ITK: variants seen among roughly 807,000 people sequenced by gnomAD.
The protein encoded by ITK is IL2 inducible T cell kinase, also known as tyrosine-protein kinase ITK/TSK.
A neutral mutation model predicts 87.6 loss-of-function variants in ITK; 45 were observed. That is an observed-to-expected ratio of 0.51 (90% confidence interval 0.40 to 0.66). The LOEUF (loss-of-function observed/expected upper bound fraction) is 0.66, where lower values mean the gene tolerates loss of function less well. ITK is among the 30% of genes least tolerant of loss of function. The pLI, the probability that ITK is intolerant of heterozygous loss-of-function variation, is 0.00. For synonymous variants in ITK, 303 were observed against 273.6 expected, an observed-to-expected ratio of 1.11 and a Z score of -1.06; for missense variants, 605 against 766.3, an observed-to-expected ratio of 0.79 and a Z score of 2.48.
chr5:157,192,560 G>T (rs1290705722), intron 1 of ITK, among the ~76,000 whole-genome samples: 1 of 152,176 alleles, frequency 6.6e-6, no homozygotes, highest in Non-Finnish European at 1.5e-5. Flanking sequence ...TACTCTCTCT[G>T]GGATTTAGCT....
intron 1 of ITK, among the ~76,000 whole-genome samples, chr5:157,193,327 T>G (rs1169982149): frequency 6.6e-6 from 1 of 152,186 alleles, no homozygotes; most frequent in Non-Finnish European, 1.5e-5. Context: ...AAGTAATACC[T>G]TTAGGGTGAT....
At chr5:157,211,209 C>T in intron 2 of ITK, 78 bp from the exon 3 acceptor site, 8 of 1,212,942 alleles carry the variant, frequency 6.6e-6, no homozygotes, top group Non-Finnish European at 8.6e-6. Flanking sequence ...AGACCCCACT[C>T]TCGGCTCAGT....
intron 9 of ITK, 136 bp from the exon 10 acceptor site, chr5:157,239,926 C>T: frequency 1.1e-6 from 1 of 890,958 alleles, no homozygotes; most frequent in Non-Finnish European, 1.8e-6. Context: ...TCAAGACAGA[C>T]TTATAAGTTG....
intron 8 of ITK, among the ~76,000 whole-genome samples, chr5:157,234,197 T>A (rs1754730570): frequency 6.6e-6 from 1 of 151,616 alleles, no homozygotes; most frequent in South Asian, 2.1e-4. Flanking sequence ...GCCAGACTGG[T>A]CTCAAAACTC....
intron 5 of ITK, 28 bp downstream of exon 5, chr5:157,217,935 A>G: frequency 1.2e-6 from 2 of 1,603,446 alleles, no homozygotes; most frequent in Non-Finnish European, 8.5e-7. Flanking sequence ...CTCCGGGTGC[A>G]GGTGGGCCCA....
At chr5:157,226,810 GT>G (rs1754541377) in intron 6 of ITK, among the ~76,000 whole-genome samples, 1 of 151,674 alleles carries the variant, frequency 6.6e-6, no homozygotes, top group South Asian at 2.1e-4. Context: ...TTGTTTTTTT[GT>G]TTTTTTGAGA....
intron 10 of ITK, 49 bp from the exon 11 acceptor site, chr5:157,241,597 G>T (rs1048747120): frequency 2.0e-5 from 25 of 1,267,546 alleles, no homozygotes; most frequent in Non-Finnish European, 2.8e-5. Context: ...TTAGATGGTT[G>T]CTAGAGCAAA....
rs184983452 is a variant in ITK, at chr5:157,197,296, G to A, written c.139-11593G>A. ...TCTAGCTGCTGCTCACTGCTAATGG[G>A]GTTATGCGGTTACAAGGGCGTGCAT... On this transcript the variant is annotated intron_variant, in intron 1 of 16. Transcript: ENST00000422843. Among the ~76,000 whole-genome samples, 1,064 of 152,254 alleles carry A rather than the reference G, an allele frequency of 7.0e-3. 5 individuals carry two copies. Among genetic ancestry groups the A allele is most frequent in the Admixed American group, 0.023 (356 of 15,268 alleles).
intron 9 of ITK, among the ~76,000 whole-genome samples, 194 bp downstream of exon 9, chr5:157,238,385 G>C (rs1007655017): frequency 6.6e-6 from 1 of 152,222 alleles, no homozygotes; most frequent in Non-Finnish European, 1.5e-5. Flanking sequence ...GAAAGTGACA[G>C]AGCTGGGAGT....
chr5:157,209,137 C>T (rs1313500443), intron 2 of ITK, 144 bp downstream of exon 2: 12 of 698,290 alleles, frequency 1.7e-5, no homozygotes, highest in Non-Finnish European at 3.2e-5. Context: ...AGTTCAAGAC[C>T]AGCCTGGCCA....
At chr5:157,237,110 A>C (rs961301922) in intron 8 of ITK, among the ~76,000 whole-genome samples, 4 of 152,262 alleles carry the variant, frequency 2.6e-5, no homozygotes, top group Admixed American at 6.5e-5. Context: ...AGACACCTGC[A>C]CTATTCATAA....
chr5:157,223,141 C>A, intron 6 of ITK, 127 bp downstream of exon 6: 1 of 1,202,896 alleles, frequency 8.3e-7, no homozygotes, highest in Non-Finnish European at 1.2e-6. Flanking sequence ...AGAGCAGAGG[C>A]AGAAGGAAGA....
At chr5:157,181,361 C>T (rs1252615972) in intron 1 of ITK, among the ~76,000 whole-genome samples, 1 of 152,132 alleles carries the variant, frequency 6.6e-6, no homozygotes, top group Non-Finnish European at 1.5e-5. Flanking sequence ...CTTTTTCCCC[C>T]TGCAAGGTTA....
At position 157,208,498 on chromosome 5, in the gene ITK, G is replaced by A. The variant is rs80016948; in HGVS notation, c.139-391G>A. Among the ~76,000 whole-genome samples the A allele has an allele frequency of 9.6e-3, 1,456 of 152,214 alleles. 16 individuals carry two copies. Among genetic ancestry groups the A allele is most frequent in the African/African-American group, 0.032 (1,333 of 41,500 alleles). On this transcript the variant is annotated intron_variant, in intron 1 of 16. Coordinates refer to ENST00000422843, the MANE Select transcript of ITK (RefSeq NM_005546.4). ...ATGCACCACAATCCAGGTCGGGTCCGAGCTCAATTACTATGCTAATATGGT... is the reference window on the plus strand; with the variant it reads ...ATGCACCACAATCCAGGTCGGGTCCAAGCTCAATTACTATGCTAATATGGT...
At chr5:157,206,097 G>C (rs1434064889) in intron 1 of ITK, among the ~76,000 whole-genome samples, 1 of 151,114 alleles carries the variant, frequency 6.6e-6, no homozygotes, top group East Asian at 1.9e-4. Flanking sequence ...GGGACTACAG[G>C]TGTGCACCAC....
intron 1 of ITK, among the ~76,000 whole-genome samples, chr5:157,188,031 G>A (rs1753680911): frequency 6.6e-6 from 1 of 152,068 alleles, no homozygotes. Context: ...AAATTCCTGG[G>A]CTCAAGCAAT....
At position 157,225,004 on chromosome 5, in the gene ITK, C is replaced by CT. The variant is rs112491576; in HGVS notation, c.647+1998dup. On this transcript the variant is annotated intron_variant, in intron 6 of 16. Transcript: ENST00000422843. ...TATTTATCACATTAGTTTTCCTTTTCTTTTTTTTGAGACAGGGTCTTGCTC... is the reference window on the plus strand; with the variant it reads ...TATTTATCACATTAGTTTTCCTTTTCTTTTTTTTTGAGACAGGGTCTTGCTC... 8.8e-3 allele frequency among the ~76,000 whole-genome samples: 1,334 copies of CT among 151,452 alleles called. 13 individuals carry two copies. The highest frequency in any genetic ancestry group is 0.03 in the African/African-American group (1,223 of 41,304).
rs527332013 is a variant in ITK at position 157,236,985 on chromosome 5, C to A, written c.769-1124C>A. The stretch of plus-strand genomic sequence containing the variant: ...TGGTAGGAATGTTCATTAGTTCAGC[C>A]CCTGTGGAAAGCAGTTTGGTGATTT... On this transcript the variant is annotated intron_variant, in intron 8 of 16. Coordinates refer to ENST00000422843, the MANE Select transcript of ITK (RefSeq NM_005546.4). Among the ~76,000 whole-genome samples, 4 of 152,160 alleles carry A rather than the reference C, an allele frequency of 2.6e-5. No individual in the cohort carries two copies. The South Asian group carries it at 8.3e-4, about 32-fold the overall frequency.
At chr5:157,252,579 C>T (rs1755162460) in intron 16 of ITK, 28 bp from the exon 17 acceptor site, 1 of 1,575,348 alleles carries the variant, frequency 6.3e-7, no homozygotes, top group African/African-American at 1.3e-5. Context: ...GTACAAGGAA[C>T]TTACAGAGTT....
Sources: gnomAD v4.1 joint callset for allele counts (sites outside exome capture counted in the v4.1 genomes callset) on GRCh38, gnomAD v4.1.1 for gene constraint, MANE v1.5 for transcripts, NCBI Gene and HGNC (gene_info 2026-07-23, HGNC 2026-07-21) for gene names.